Variants in DNAJC1 observed in about 807,000 individuals in gnomAD.
DNAJC1 encodes dnaJ homolog subfamily C member 1.
DNAJC1 carries 58 observed loss-of-function variants against 76.6 expected under a neutral mutation model. The ratio of observed to expected loss-of-function variants is 0.76; its 90% CI spans 0.61 to 0.94. The LOEUF is 0.94. Ranked by LOEUF, DNAJC1 falls within the 40% of genes least tolerant of loss-of-function variation. DNAJC1 has a pLI of 0.00. For synonymous variants in DNAJC1, 258 were observed against 267.9 expected, an observed-to-expected ratio of 0.96 and a Z score of 0.36; for missense variants, 689 against 677.3, an observed-to-expected ratio of 1.02 and a Z score of -0.19.
At chr10:21,891,143 C>T (rs573162141) in intron 7 of DNAJC1, among the ~76,000 whole-genome samples, 79 of 151,986 alleles carry the variant, frequency 5.2e-4, no homozygotes, top group Non-Finnish European at 8.2e-4. Flanking sequence ...TGAGCCAAGA[C>T]GGTACCATTG....
Position 21,928,454 on chromosome 10 carries a change from C to T in DNAJC1, c.371+52G>A, listed in dbSNP as rs111541348. The T allele has an allele frequency of 1.6e-5, 24 of 1,462,082 alleles. 1 individual carries two copies. In the African/African-American group the frequency reaches 2.1e-4, roughly 13 times the overall value. The allele number at this position is 1,462,082 out of a possible 1,614,324, so 90.6% of individuals were successfully genotyped here. A position where few individuals can be genotyped will look rare whatever the true frequency, so the allele number is the denominator to read the frequency against. On this transcript the variant is annotated intron_variant, in intron 3 of 11. Transcript: ENST00000376980. ...TTAAGAAGACTTAATTCTTTATAAACTGTAGCATGAAACTATAACATCTTA... is the reference window on the plus strand; with the variant it reads ...TTAAGAAGACTTAATTCTTTATAAATTGTAGCATGAAACTATAACATCTTA...
At chr10:21,757,203 G>T (rs1012385169) in intron 11 of DNAJC1, among the ~76,000 whole-genome samples, 1 of 152,186 alleles carries the variant, frequency 6.6e-6, no homozygotes, top group Non-Finnish European at 1.5e-5. Context: ...CCAGCCCCCA[G>T]GACACTGGCA....
chr10:21,864,609 G>T (rs763670394), intron 8 of DNAJC1, among the ~76,000 whole-genome samples: 20 of 129,344 alleles, frequency 1.5e-4, no homozygotes, highest in Non-Finnish European at 2.7e-4. Context: ...GCGACAGAGT[G>T]AGACTCTGTC....
intron 7 of DNAJC1, among the ~76,000 whole-genome samples, chr10:21,892,162 TAA>T (rs1188200307): frequency 6.6e-6 from 1 of 151,548 alleles, no homozygotes; most frequent in African/African-American, 2.4e-5. Context: ...GAAATATATT[TAA>T]AAAAACATTA....
intron 1 of DNAJC1, among the ~76,000 whole-genome samples, chr10:21,945,506 G>C (rs1837490161): frequency 1.3e-5 from 2 of 152,186 alleles, no homozygotes; most frequent in South Asian, 4.1e-4. Flanking sequence ...GGAAGGGGTA[G>C]AGTAAGGGAC....
intron 8 of DNAJC1, among the ~76,000 whole-genome samples, chr10:21,826,660 A>C (rs1370259412): frequency 6.6e-6 from 1 of 152,086 alleles, no homozygotes; most frequent in Non-Finnish European, 1.5e-5. Flanking sequence ...TCTTTGACCC[A>C]TTTTTGTAAA....
chr10:21,840,931 C>G (rs1343093335), intron 8 of DNAJC1, among the ~76,000 whole-genome samples: 1 of 152,080 alleles, frequency 6.6e-6, no homozygotes, highest in Non-Finnish European at 1.5e-5. Flanking sequence ...CAGAACAGAG[C>G]CCTCAGAAAT....
At chr10:21,834,081 G>A (rs984598115) in intron 8 of DNAJC1, among the ~76,000 whole-genome samples, 17 of 151,972 alleles carry the variant, frequency 1.1e-4, no homozygotes, top group Non-Finnish European at 1.8e-4. Context: ...TGGGTAACAC[G>A]GTGAAACCCC....
chr10:21,794,152 C>A (rs1326126438), intron 9 of DNAJC1, among the ~76,000 whole-genome samples: 1 of 151,540 alleles, frequency 6.6e-6, no homozygotes, highest in Non-Finnish European at 1.5e-5. Flanking sequence ...CACTTGTATT[C>A]CCAGCTATTT....
chr10:21,959,955 G>C (rs962233393), intron 1 of DNAJC1, among the ~76,000 whole-genome samples: 5 of 151,976 alleles, frequency 3.3e-5, no homozygotes, highest in Non-Finnish European at 4.4e-5. Flanking sequence ...AATAAGTCTT[G>C]TTGGGTCTAC....
intron 8 of DNAJC1, among the ~76,000 whole-genome samples, chr10:21,819,877 C>G (rs1477768922): frequency 6.6e-6 from 1 of 152,196 alleles, no homozygotes; most frequent in Non-Finnish European, 1.5e-5. Context: ...TTGTAGCGAG[C>G]TGAGATCACG....
At chr10:21,948,455 A>C (rs536783177) in intron 1 of DNAJC1, among the ~76,000 whole-genome samples, 1 of 152,288 alleles carries the variant, frequency 6.6e-6, no homozygotes, top group African/African-American at 2.4e-5. Context: ...TTAATGTGGA[A>C]ATTTCTAATT....
At chr10:21,988,002 T>C (rs1218339811) in intron 1 of DNAJC1, among the ~76,000 whole-genome samples, 1 of 152,154 alleles carries the variant, frequency 6.6e-6, no homozygotes, top group East Asian at 1.9e-4. Context: ...GCTATGTAGT[T>C]TTCACATATA....
At chr10:21,902,635 T>G (rs1163678195) in intron 7 of DNAJC1, among the ~76,000 whole-genome samples, 1 of 152,104 alleles carries the variant, frequency 6.6e-6, no homozygotes, top group East Asian at 1.9e-4. Flanking sequence ...GTTTGAGAAT[T>G]ACATCAAACT....
intron 8 of DNAJC1, among the ~76,000 whole-genome samples, chr10:21,869,433 A>G (rs574787980): frequency 6.6e-6 from 1 of 152,082 alleles, no homozygotes; most frequent in Non-Finnish European, 1.5e-5. Context: ...CCTACTTCGA[A>G]ATGTCCTGAC....
intron 9 of DNAJC1, among the ~76,000 whole-genome samples, chr10:21,786,475 G>GAA: frequency 7.0e-6 from 1 of 142,284 alleles, no homozygotes; most frequent in Non-Finnish European, 1.5e-5. Context: ...GAGAGAGAGA[G>GAA]AGAGAGAGAG....
intron 8 of DNAJC1, among the ~76,000 whole-genome samples, chr10:21,852,019 C>T (rs971514752): frequency 6.6e-6 from 1 of 151,706 alleles, no homozygotes; most frequent in East Asian, 1.9e-4. Context: ...CGCCGCTGCA[C>T]TCCAGCCTGA....
At chr10:21,774,136 G>A (rs572707323) in intron 9 of DNAJC1, among the ~76,000 whole-genome samples, 117 of 123,330 alleles carry the variant, frequency 9.5e-4, no homozygotes, top group Non-Finnish European at 1.5e-3. Flanking sequence ...GCGAGACTCC[G>A]TCTCAAAAAA....
At chr10:21,814,712 T>C (rs934235600) in intron 8 of DNAJC1, among the ~76,000 whole-genome samples, 4 of 152,144 alleles carry the variant, frequency 2.6e-5, no homozygotes, top group African/African-American at 2.4e-5. Context: ...AGATACACTC[T>C]TGTATTATAG....
Sources: allele counts gnomAD v4.1 joint callset (sites outside exome capture counted in the v4.1 genomes callset), GRCh38; gene constraint gnomAD v4.1.1; transcripts MANE v1.5; gene names NCBI Gene and HGNC (gene_info 2026-07-23, HGNC 2026-07-21).